TMOD1: variants seen among roughly 807,000 people sequenced by gnomAD.
TMOD1 encodes the protein tropomodulin-1.
TMOD1 carries 17 observed loss-of-function variants against 40.6 expected under a neutral mutation model. The ratio of observed to expected loss-of-function variants is 0.42; its 90% CI spans 0.29 to 0.63. The LOEUF (loss-of-function observed/expected upper bound fraction) is 0.63, where lower values mean the gene tolerates loss of function less well. TMOD1 is among the 20% of genes least tolerant of loss of function. TMOD1 has a pLI of 0.22. For missense variants in TMOD1, 391 were observed against 447.6 expected, an observed-to-expected ratio of 0.87 and a Z score of 1.14; for synonymous variants, 181 against 175.0, an observed-to-expected ratio of 1.03 and a Z score of -0.27.
chr9:97,596,252 A>T (rs1826107716), intron 9 of TMOD1, among the ~76,000 whole-genome samples: 1 of 151,590 alleles, frequency 6.6e-6, no homozygotes, highest in Non-Finnish European at 1.5e-5. Flanking sequence ...CAACATCCTC[A>T]GGCCCCCAGC....
intron 8 of TMOD1, among the ~76,000 whole-genome samples, chr9:97,571,403 T>A (rs1442082896): frequency 6.6e-6 from 1 of 152,192 alleles, no homozygotes; most frequent in African/African-American, 2.4e-5. Context: ...TCCTGGCTTG[T>A]AAAATGAGGA....
intron 8 of TMOD1, among the ~76,000 whole-genome samples, chr9:97,588,315 T>C (rs992162723): frequency 7.2e-5 from 11 of 152,232 alleles, no homozygotes; most frequent in Non-Finnish European, 8.8e-5. Flanking sequence ...TGGAATCTCA[T>C]TGTGGTTTGA....
rs756682980 is a variant in TMOD1 at position 97,524,346 on chromosome 9, G to A, written c.120+38G>A. On this transcript the variant is annotated intron_variant, in intron 2 of 9. Transcript: ENST00000259365. ...TAAAGGGAAGCACATTGTCACTAGC[G>A]AGGGGACCTGGGGAGGGACAGGTGG... The A allele has an allele frequency of 4.4e-6, 7 of 1,604,928 alleles. No individual in the cohort carries two copies. In the Admixed American group the frequency reaches 5.1e-5, roughly 12 times the overall value.
intron 4 of TMOD1, among the ~76,000 whole-genome samples, chr9:97,554,722 C>T (rs571608134): frequency 3.2e-4 from 49 of 152,136 alleles, no homozygotes; most frequent in Non-Finnish European, 5.6e-4. Context: ...CATGTAAGCC[C>T]AGAGGCCACG....
chr9:97,537,130 T>C (rs1181784096), intron 2 of TMOD1, among the ~76,000 whole-genome samples: 1 of 152,230 alleles, frequency 6.6e-6, no homozygotes. Context: ...CAGTTTTCTA[T>C]GCCTCAGTTT....
chr9:97,553,594 C>T (rs942355140), intron 4 of TMOD1, among the ~76,000 whole-genome samples, 194 bp downstream of exon 4: 2 of 152,204 alleles, frequency 1.3e-5, no homozygotes, highest in Non-Finnish European at 2.9e-5. Flanking sequence ...ACCACGCAAA[C>T]CCACCACACC....
intron 2 of TMOD1, among the ~76,000 whole-genome samples, chr9:97,533,028 C>T (rs192645255): frequency 3.3e-4 from 50 of 152,272 alleles, no homozygotes; most frequent in African/African-American, 1.2e-3. Context: ...TAATTGTTGC[C>T]GGTATGAGAG....
intron 8 of TMOD1, among the ~76,000 whole-genome samples, chr9:97,575,036 C>T (rs1050237674): frequency 1.8e-4 from 27 of 152,210 alleles, no homozygotes; most frequent in African/African-American, 6.5e-4. Context: ...CCGGATAACG[C>T]AGTGGCAACC....
chr9:97,586,290 G>A (rs1825868464), intron 8 of TMOD1, among the ~76,000 whole-genome samples: 1 of 152,242 alleles, frequency 6.6e-6, no homozygotes, highest in African/African-American at 2.4e-5. Context: ...TGCCCCTGCT[G>A]AGGGGTGCCT....
intron 9 of TMOD1, among the ~76,000 whole-genome samples, chr9:97,594,306 G>C (rs1826060519): frequency 6.6e-6 from 1 of 152,322 alleles, no homozygotes; most frequent in Middle Eastern, 3.4e-3. Flanking sequence ...GCTAATTTTT[G>C]TAAGAGAAAT....
intron 2 of TMOD1, among the ~76,000 whole-genome samples, chr9:97,541,816 C>T (rs1830280132): frequency 6.6e-6 from 1 of 151,784 alleles, no homozygotes; most frequent in African/African-American, 2.4e-5. Flanking sequence ...ACGCCTGGCC[C>T]ATTTTTAAAT....
At chr9:97,535,310 A>G (rs913913) in intron 2 of TMOD1, among the ~76,000 whole-genome samples, 126,508 of 152,110 alleles carry the variant, frequency 0.83, 53,031 homozygotes, top group African/African-American at 0.94. Flanking sequence ...TGATGCCCAC[A>G]GAAGGAGACA....
chr9:97,568,334 A>G (rs1037143692), intron 7 of TMOD1, among the ~76,000 whole-genome samples: 1 of 152,214 alleles, frequency 6.6e-6, no homozygotes, highest in Admixed American at 6.5e-5. Flanking sequence ...GTCTAATAGC[A>G]GAGACAACAC....
intron 8 of TMOD1, among the ~76,000 whole-genome samples, chr9:97,577,779 CATAAA>C (rs1265985424): frequency 4.6e-5 from 7 of 152,140 alleles, no homozygotes; most frequent in South Asian, 2.1e-4. Context: ...CAAAAAATAA[CATAAA>C]ATAAAATAAA....
At chr9:97,508,799 A>G (rs1432756545) in intron 1 of TMOD1, among the ~76,000 whole-genome samples, 1 of 152,204 alleles carries the variant, frequency 6.6e-6, no homozygotes, top group Non-Finnish European at 1.5e-5. Context: ...CTCTGGAAAT[A>G]TGGTCTTTAC....
In TMOD1 at chr9:97,531,039, C is replaced by CA. The variant is rs557982424; in HGVS notation, c.120+6731_120+6732insA. On this transcript the variant is annotated intron_variant, in intron 2 of 9. Transcript: ENST00000259365. ...CTGACCTTAGGTGATCCACACCCAC[C>CA]CCCCCCACCACCCCTTGGCCTCCCA... Among the ~76,000 whole-genome samples the CA allele has an allele frequency of 5.7e-4, 79 of 138,486 alleles. 2 individuals carry two copies. The South Asian group carries it at 7.4e-3, about 13-fold the overall frequency. 90.9% of individuals were successfully genotyped at this position (138,486 alleles called of 152,430 possible). A position where few individuals can be genotyped will look rare whatever the true frequency, so the allele number is the denominator to read the frequency against.
At position 97,521,501 on chromosome 9, in the gene TMOD1, C is replaced by T. The variant is rs373886914; in HGVS notation, c.-48-2640C>T. ...GGCCCCAGCACAGAGATCATGGATC[C>T]TCTCCCCATCCTGGCTTCACTTAGG... On this transcript the variant is annotated intron_variant, in intron 1 of 9. Coordinates refer to ENST00000259365, the MANE Select transcript of TMOD1 (RefSeq NM_003275.4). Among the ~76,000 whole-genome samples, 7 of 152,278 alleles carry T rather than the reference C, an allele frequency of 4.6e-5. No individual in the cohort carries two copies. In the East Asian group the frequency reaches 1.4e-3, roughly 29 times the overall value.
At position 97,600,232 on chromosome 9, in the gene TMOD1, C is replaced by T. The variant is rs974158269; in HGVS notation, c.*534C>T. 5.0e-6 allele frequency: 5 copies of T among 991,038 alleles called. No homozygotes were observed. The African/African-American group carries it at 8.7e-5, about 17-fold the overall frequency. 61.4% of individuals were successfully genotyped at this position (991,038 alleles called of 1,614,324 possible). On this transcript the variant is annotated 3_prime_UTR_variant, in exon 10 of 10. Coordinates refer to ENST00000259365, the MANE Select transcript of TMOD1 (RefSeq NM_003275.4). ...TTACTGGATCCAGAACACAATTTTC[C>T]CCTCAGAACAGATAGACAGACTGAA... is the stretch of plus-strand genomic sequence containing the variant.
chr9:97,591,152 C>T (rs776910724), intron 8 of TMOD1, 139 bp from the exon 9 acceptor site: 2 of 905,862 alleles, frequency 2.2e-6, no homozygotes, highest in Non-Finnish European at 3.2e-6. Context: ...TCTAAACTTC[C>T]ATTTCCCTAC....
Sources: gnomAD v4.1 joint callset for allele counts (sites outside exome capture counted in the v4.1 genomes callset) on GRCh38, gnomAD v4.1.1 for gene constraint, MANE v1.5 for transcripts, NCBI Gene and HGNC (gene_info 2026-07-23, HGNC 2026-07-21) for gene names.